The following STK17A variants were observed in gnomAD, a reference collection of about 807,000 sequenced individuals.
STK17A encodes serine/threonine kinase 17a, also known as serine/threonine-protein kinase 17A.
STK17A carries 26 observed loss-of-function variants against 43.7 expected under a neutral mutation model. The ratio of observed to expected loss-of-function variants is 0.60; its 90% CI spans 0.44 to 0.83. The LOEUF is 0.83. Among genes scored for constraint, STK17A ranks in the 40% least tolerant of loss-of-function variants. The pLI is 0.00. For synonymous variants in STK17A, 191 were observed against 182.5 expected, an observed-to-expected ratio of 1.05 and a Z score of -0.38; for missense variants, 476 against 511.6, an observed-to-expected ratio of 0.93 and a Z score of 0.67.
At chr7:43,600,920 G>A (rs1212977674) in intron 2 of STK17A, among the ~76,000 whole-genome samples, 1 of 152,104 alleles carries the variant, frequency 6.6e-6, no homozygotes, top group Non-Finnish European at 1.5e-5. Flanking sequence ...GGAAATATTA[G>A]GCAGTTTTGC....
At chr7:43,615,426 C>T (rs1225316532) in intron 3 of STK17A, among the ~76,000 whole-genome samples, 2 of 152,196 alleles carry the variant, frequency 1.3e-5, no homozygotes, top group African/African-American at 4.8e-5. Context: ...ATCCACTCAC[C>T]TCGGCCTCCC....
chr7:43,624,098 A>G (rs138637135), intron 6 of STK17A, among the ~76,000 whole-genome samples: 1 of 152,314 alleles, frequency 6.6e-6, no homozygotes, highest in Non-Finnish European at 1.5e-5. Context: ...AAAAATGAAA[A>G]TATTTTGAGA....
intron 1 of STK17A, among the ~76,000 whole-genome samples, chr7:43,587,291 A>T (rs2082450463): frequency 6.7e-6 from 1 of 150,050 alleles, no homozygotes; most frequent in African/African-American, 2.4e-5. Context: ...AGTAGCTGGG[A>T]CTATAGGCGC....
intron 1 of STK17A, among the ~76,000 whole-genome samples, chr7:43,593,184 C>A (rs1462654540): frequency 6.6e-6 from 1 of 152,186 alleles, no homozygotes; most frequent in African/African-American, 2.4e-5. Context: ...CTTGAGTCAT[C>A]TCACTTAGGA....
intron 3 of STK17A, among the ~76,000 whole-genome samples, chr7:43,614,740 G>T (rs1248417493): frequency 6.6e-6 from 1 of 152,112 alleles, no homozygotes; most frequent in African/African-American, 2.4e-5. Context: ...TTTTTAGAAA[G>T]TCTCTCACAT....
At position 43,615,205 on chromosome 7, in the gene STK17A, G is replaced by A. The variant is rs1035197628; in HGVS notation, c.565-4392G>A. ...TTGTTTGTTTGTTTTTGATAGGGTC[G>A]TATTCTGTTACCCAGATTGGAGTGC... is the stretch of plus-strand genomic sequence containing the variant. On this transcript the variant is annotated intron_variant, in intron 3 of 6. Coordinates refer to ENST00000319357, the MANE Select transcript of STK17A (RefSeq NM_004760.3). Among the ~76,000 whole-genome samples, 5 of 151,980 alleles carry A rather than the reference G, an allele frequency of 3.3e-5. No individual in the cohort carries two copies. The East Asian group carries it at 7.7e-4, about 23-fold the overall frequency.
At chr7:43,618,782 C>T (rs984168632) in intron 3 of STK17A, among the ~76,000 whole-genome samples, 1 of 152,094 alleles carries the variant, frequency 6.6e-6, no homozygotes, top group Admixed American at 6.6e-5. Context: ...AGCTCTTTCC[C>T]ATTACTGTAC....
chr7:43,589,962 T>A (rs1452136439), intron 1 of STK17A, among the ~76,000 whole-genome samples: 6 of 132,776 alleles, frequency 4.5e-5, no homozygotes, highest in South Asian at 2.3e-4. Context: ...TATTTTATTT[T>A]ATTTTATTTG....
At chr7:43,605,022 T>C (rs2082579579) in intron 2 of STK17A, among the ~76,000 whole-genome samples, 1 of 152,234 alleles carries the variant, frequency 6.6e-6, no homozygotes. Context: ...CCTATGAAAG[T>C]TCCTTTTGGT....
intron 1 of STK17A, among the ~76,000 whole-genome samples, chr7:43,588,747 C>T (rs1335756999): frequency 6.6e-6 from 1 of 151,122 alleles, no homozygotes; most frequent in Non-Finnish European, 1.5e-5. Context: ...CGGGAGAATT[C>T]CTTGAACTTG....
At chr7:43,593,668 T>A (rs1033524693) in intron 1 of STK17A, among the ~76,000 whole-genome samples, 1 of 151,702 alleles carries the variant, frequency 6.6e-6, no homozygotes, top group African/African-American at 2.4e-5. Flanking sequence ...GTTTGTTTGC[T>A]GCTCTTTTGA....
chr7:43,617,141 C>A (rs536064085), intron 3 of STK17A, among the ~76,000 whole-genome samples: 1 of 150,748 alleles, frequency 6.6e-6, no homozygotes, highest in South Asian at 2.1e-4. Flanking sequence ...CTTCATGGAG[C>A]CGGGGGATCA....
At chr7:43,607,580 C>T (rs1042131079) in intron 2 of STK17A, among the ~76,000 whole-genome samples, 4 of 128,844 alleles carry the variant, frequency 3.1e-5, no homozygotes, top group Non-Finnish European at 4.7e-5. Flanking sequence ...ACCCAGGAGG[C>T]GGAGGTTGCA....
intron 3 of STK17A, among the ~76,000 whole-genome samples, chr7:43,612,458 C>T (rs1445489125): frequency 1.3e-5 from 2 of 152,198 alleles, no homozygotes; most frequent in African/African-American, 4.8e-5. Flanking sequence ...TCTCTAGAAG[C>T]GTTTGAAAGA....
chr7:43,600,180 G>T lies in STK17A; in HGVS notation c.419+4067G>T, dbSNP rs116619163. ...CATAAATCCACCCCTTGTCAGTTTGGCACCCATAATGCATCTCCTTTAAAC... is the reference window on the plus strand; with the variant it reads ...CATAAATCCACCCCTTGTCAGTTTGTCACCCATAATGCATCTCCTTTAAAC... On this transcript the variant is annotated intron_variant, in intron 2 of 6. Transcript: ENST00000319357. 8.8e-3 allele frequency among the ~76,000 whole-genome samples: 1,344 copies of T among 152,186 alleles called. 16 individuals are homozygous for T. Among genetic ancestry groups the T allele is most frequent in the African/African-American group, 0.031 (1,291 of 41,510 alleles).
At chr7:43,590,206 A>G (rs560374717) in intron 1 of STK17A, among the ~76,000 whole-genome samples, 3 of 151,420 alleles carry the variant, frequency 2.0e-5, no homozygotes, top group East Asian at 3.9e-4. Flanking sequence ...TCAGCCTCCG[A>G]AAGTGCTGGT....
At chr7:43,620,260 T>C (rs1232882844) in intron 4 of STK17A, among the ~76,000 whole-genome samples, 4 of 152,234 alleles carry the variant, frequency 2.6e-5, no homozygotes, top group East Asian at 1.9e-4. Flanking sequence ...AGAAGTCAAC[T>C]ATTACTTTCT....
chr7:43,589,217 C>T (rs1003071427), intron 1 of STK17A, among the ~76,000 whole-genome samples: 2 of 151,468 alleles, frequency 1.3e-5, no homozygotes, highest in Non-Finnish European at 3.0e-5. Flanking sequence ...TATATTTGCA[C>T]ACCTGCCATG....
chr7:43,606,591 T>C (rs556023596), intron 2 of STK17A, among the ~76,000 whole-genome samples: 297 of 152,304 alleles, frequency 2.0e-3, no homozygotes, highest in African/African-American at 6.9e-3. Context: ...TAAAAAGTAG[T>C]GTTGCTGTAG....
Sources: gnomAD v4.1 joint callset for allele counts (sites outside exome capture counted in the v4.1 genomes callset) on GRCh38, gnomAD v4.1.1 for gene constraint, MANE v1.5 for transcripts, NCBI Gene and HGNC (gene_info 2026-07-23, HGNC 2026-07-21) for gene names.